LRRC4C: variants seen among roughly 807,000 people sequenced by gnomAD.
LRRC4C encodes leucine-rich repeat-containing protein 4C.
A neutral mutation model predicts 33.6 loss-of-function variants in LRRC4C; 5 were observed. The observed-to-expected ratio is 0.15, with a 90% CI of 0.08 to 0.31. The LOEUF (loss-of-function observed/expected upper bound fraction) is 0.31, where lower values mean the gene tolerates loss of function less well. Among genes scored for constraint, LRRC4C ranks in the 10% least tolerant of loss-of-function variants. The pLI is 1.00. For missense variants in LRRC4C, 560 were observed against 796.7 expected (o/e 0.70, Z 3.58); for synonymous variants, 329 against 302.0 (o/e 1.09, Z -0.93).
rs376459837 is a variant in LRRC4C at position 41,098,815 on chromosome 11, C to A, written c.-495-165092G>T. Among the ~76,000 whole-genome samples the A allele has an allele frequency of 4.6e-5, 7 of 151,860 alleles. No homozygotes were observed. The East Asian group carries it at 1.4e-3, about 29-fold the overall frequency. ...AAGAGAAAACCAACAAAAAAGTTAG[C>A]AGAAGACAGAAAATAACCAATATCA... On this transcript the variant is annotated intron_variant, in intron 1 of 6. Transcript: ENST00000528697.
chr11:40,843,786 T>C (rs2135673757), intron 2 of LRRC4C, among the ~76,000 whole-genome samples: 1 of 152,290 alleles, frequency 6.6e-6, no homozygotes, highest in East Asian at 1.9e-4. Flanking sequence ...CAACTTGAAA[T>C]TGTTACATTT....
At chr11:40,950,725 C>A (rs1377886670) in intron 1 of LRRC4C, among the ~76,000 whole-genome samples, 1 of 151,708 alleles carries the variant, frequency 6.6e-6, no homozygotes, top group South Asian at 2.1e-4. Context: ...TTCCCCATAC[C>A]CAAGTAAGTT....
rs7104419 is a variant in LRRC4C, at chr11:40,359,890, A to C, written c.-269-40169T>G. On this transcript the variant is annotated intron_variant, in intron 3 of 6. Coordinates refer to ENST00000528697, the MANE Select transcript of LRRC4C (RefSeq NM_001258419.2). ...ATACTCTCTCCCAATCTGATATCATAATGCCTATGAGATTCAAGGGAAAAA... is the reference window on the plus strand; with the variant it reads ...ATACTCTCTCCCAATCTGATATCATCATGCCTATGAGATTCAAGGGAAAAA... Among the ~76,000 whole-genome samples the C allele has an allele frequency of 4.6e-3, 698 of 152,288 alleles. 2 individuals are homozygous for C. The highest frequency in any genetic ancestry group is 6.2e-3 in the Non-Finnish European group (423 of 68,022).
intron 4 of LRRC4C, among the ~76,000 whole-genome samples, chr11:40,318,839 A>G (rs1189960760): frequency 6.6e-6 from 1 of 152,186 alleles, no homozygotes; most frequent in African/African-American, 2.4e-5. Flanking sequence ...TCTACTATAT[A>G]GTCATCTGCT....
In LRRC4C at chr11:41,219,839, C is replaced by G. The variant is rs551020875; in HGVS notation, c.-496+239592G>C. On this transcript the variant is annotated intron_variant, in intron 1 of 6. Coordinates refer to ENST00000528697, the MANE Select transcript of LRRC4C (RefSeq NM_001258419.2). ...TCCCTCATCTACTGCACATGCCAGA[C>G]AGAGGCTAGTACCAGTTTTAAAAAT... Among the ~76,000 whole-genome samples, 154 of 152,258 alleles carry G rather than the reference C, an allele frequency of 1.0e-3. 3 individuals carry two copies. In the Middle Eastern group the frequency reaches 0.01, roughly 10 times the overall value.
intron 1 of LRRC4C, among the ~76,000 whole-genome samples, chr11:41,439,508 C>G (rs1338287818): frequency 6.6e-6 from 1 of 152,122 alleles, no homozygotes; most frequent in Non-Finnish European, 1.5e-5. Context: ...ATAAGCATTC[C>G]TTTCTTTCCA....
chr11:40,660,286 C>G (rs1363638072), intron 2 of LRRC4C, among the ~76,000 whole-genome samples: 1 of 152,164 alleles, frequency 6.6e-6, no homozygotes, highest in Non-Finnish European at 1.5e-5. Context: ...ACCTGGATTG[C>G]CCTCAGCAGG....
intron 2 of LRRC4C, among the ~76,000 whole-genome samples, chr11:40,756,414 G>A (rs1184774441): frequency 6.6e-6 from 1 of 151,940 alleles, no homozygotes; most frequent in Non-Finnish European, 1.5e-5. Flanking sequence ...CATTTACTAT[G>A]CAGCATTTTG....
At chr11:40,305,684 C>G (rs1308274042) in intron 4 of LRRC4C, among the ~76,000 whole-genome samples, 1 of 151,782 alleles carries the variant, frequency 6.6e-6, no homozygotes, top group Non-Finnish European at 1.5e-5. Flanking sequence ...AAAGCCTGGG[C>G]TCTTAAGCCC....
chr11:40,424,548 C>T (rs545918771), intron 3 of LRRC4C, among the ~76,000 whole-genome samples: 25 of 152,092 alleles, frequency 1.6e-4, no homozygotes, highest in African/African-American at 4.3e-4. Flanking sequence ...AATATGTATG[C>T]GCAGGGATTT....
chr11:41,289,036 C>T (rs1366570118), intron 1 of LRRC4C, among the ~76,000 whole-genome samples: 1 of 152,070 alleles, frequency 6.6e-6, no homozygotes, highest in Non-Finnish European at 1.5e-5. Flanking sequence ...ATTCCCTTCG[C>T]CTTTGCCTCA....
At chr11:40,539,442 G>A (rs981179867) in intron 3 of LRRC4C, among the ~76,000 whole-genome samples, 1 of 152,028 alleles carries the variant, frequency 6.6e-6, no homozygotes, top group Non-Finnish European at 1.5e-5. Context: ...TCAGAGTCAA[G>A]CATAGCCTCT....
intron 3 of LRRC4C, among the ~76,000 whole-genome samples, chr11:40,641,363 T>C (rs1050422822): frequency 2.6e-5 from 4 of 152,172 alleles, no homozygotes; most frequent in African/African-American, 9.7e-5. Flanking sequence ...CTTGTAAATA[T>C]AAATTTAAGT....
chr11:40,936,416 C>A (rs1957903127), intron 1 of LRRC4C, among the ~76,000 whole-genome samples: 1 of 148,094 alleles, frequency 6.8e-6, no homozygotes, highest in Non-Finnish European at 1.5e-5. Flanking sequence ...CGGCTCACTG[C>A]AAGCTCCGCC....
chr11:40,535,441 A>G (rs1401999370), intron 3 of LRRC4C, among the ~76,000 whole-genome samples: 2 of 152,208 alleles, frequency 1.3e-5, no homozygotes, highest in Admixed American at 1.3e-4. Context: ...GCCATTTTAC[A>G]AAGAAGGTTC....
At chr11:40,175,269 A>G (rs1156573563) in intron 5 of LRRC4C, among the ~76,000 whole-genome samples, 1 of 152,268 alleles carries the variant, frequency 6.6e-6, no homozygotes, top group Non-Finnish European at 1.5e-5. Flanking sequence ...AAAGTTGTAT[A>G]GATAACCTAA....
At chr11:40,377,327 A>T (rs1240258494) in intron 3 of LRRC4C, among the ~76,000 whole-genome samples, 2 of 152,172 alleles carry the variant, frequency 1.3e-5, no homozygotes, top group African/African-American at 4.8e-5. Context: ...TGACAATGGC[A>T]TATACTATAT....
intron 1 of LRRC4C, among the ~76,000 whole-genome samples, chr11:41,134,350 C>T (rs746580538): frequency 2.6e-5 from 4 of 152,086 alleles, no homozygotes; most frequent in Non-Finnish European, 5.9e-5. Flanking sequence ...GCAATTCTAC[C>T]ACCTCAGCCT....
chr11:41,411,461 T>C (rs2138222406), intron 1 of LRRC4C, among the ~76,000 whole-genome samples: 1 of 152,146 alleles, frequency 6.6e-6, no homozygotes, highest in South Asian at 2.1e-4. Flanking sequence ...GTTGGTACCC[T>C]ATTGGATAAA....
Sources: allele counts gnomAD v4.1 joint callset (sites outside exome capture counted in the v4.1 genomes callset), GRCh38; gene constraint gnomAD v4.1.1; transcripts MANE v1.5; gene names NCBI Gene and HGNC (gene_info 2026-07-23, HGNC 2026-07-21).